Variants in ASH1L observed in about 807,000 individuals in gnomAD.
ASH1L encodes ASH1 like histone lysine methyltransferase, also known as histone-lysine N-methyltransferase ASH1L.
In ASH1L, 23 loss-of-function variants were observed where a neutral mutation model predicts 269.0. That is an observed-to-expected ratio of 0.09 (90% CI 0.06 to 0.12). The LOEUF is 0.12. Among genes scored for constraint, ASH1L ranks in the 10% least tolerant of loss-of-function variants. ASH1L has a pLI of 1.00. For synonymous variants in ASH1L, 1,187 were observed against 1,253.5 expected (o/e 0.95, Z 1.12); for missense variants, 2,912 against 3,567.8 (o/e 0.82, Z 4.68).
At chr1:155,389,593 A>C (rs139498400) in intron 7 of ASH1L, among the ~76,000 whole-genome samples, 13 of 152,136 alleles carry the variant, frequency 8.5e-5, no homozygotes, top group African/African-American at 3.1e-4. Context: ...GAATTGCTTG[A>C]ACCCAGGAGG....
In ASH1L at chr1:155,478,042, C is replaced by G; in HGVS notation, c.4828G>C (p.Ala1610Pro). Residue 1610 changes from alanine (A) to proline (P), a missense_variant, in exon 3 of 28, where the codon GCA becomes CCA. By Grantham distance (27) the Ala-to-Pro change is conservative. Coordinates refer to ENST00000392403, the MANE Select transcript of ASH1L (RefSeq NM_018489.3). This position sits in a 1 kb window ranked among gnomAD's most constrained non-coding sequence, Gnocchi z 4.6. ...SDEHTNLFTS[A>P]IGSCRVSNPN... ...TTTGAAACTCTGCAGCTGCCTATTG[C>G]ACTTGTGAAAAGGTTTGTATGTTCA... The G allele has an allele frequency of 6.2e-7, 1 of 1,614,172 alleles. No individual in the cohort carries two copies.
At chr1:155,413,806 T>C (rs761885774) in intron 6 of ASH1L, among the ~76,000 whole-genome samples, 6 of 152,070 alleles carry the variant, frequency 3.9e-5, no homozygotes, top group Non-Finnish European at 7.4e-5. Flanking sequence ...GAAGGTACCA[T>C]TATGAACTTT....
chr1:155,481,438 A>ATATGCTTTC lies in ASH1L; in HGVS notation c.1423_1431dup (p.Glu475_Ile477dup). ...TCTTTTCGTACTGAGAACTTTTCCA[A>ATATGCTTTC]TATGCTTTCTTTATTCTGCCGTACA... On this transcript the variant is annotated inframe_insertion, in exon 3 of 28. Coordinates refer to ENST00000392403, the MANE Select transcript of ASH1L (RefSeq NM_018489.3). The ATATGCTTTC allele has an allele frequency of 6.2e-7, 1 of 1,614,008 alleles. No individual in the cohort carries two copies. The highest frequency in any genetic ancestry group is 8.5e-7 in the Non-Finnish European group (1 of 1,179,962).
intron 1 of ASH1L, among the ~76,000 whole-genome samples, chr1:155,540,271 A>C (rs552464996): frequency 1.3e-5 from 2 of 152,296 alleles, no homozygotes; most frequent in East Asian, 3.9e-4. Context: ...TTTTGTGCAA[A>C]GTACTCACGG....
chr1:155,458,586 G>A (rs1448336662), intron 4 of ASH1L, among the ~76,000 whole-genome samples: 1 of 152,062 alleles, frequency 6.6e-6, no homozygotes, highest in Admixed American at 6.5e-5. Flanking sequence ...GTATCATGGT[G>A]GGCACCTGTA....
rs1294419836 is a variant in ASH1L at position 155,438,434 on chromosome 1, G to A, written c.5721C>T (p.Asn1907=). The change falls in exon 5 of 28, where the codon AAC becomes AAT. Residue 1907 remains asparagine (N), a synonymous_variant. Coordinates refer to ENST00000392403, the MANE Select transcript of ASH1L (RefSeq NM_018489.3). ...TCTTCAACCCCTTTTTATGTTCTGG[G>A]TTCAGATTTACACTCTGAACAACAG... ...IEAVVQSVNL[N]PEHKKGLKRK... 1 of 1,613,446 alleles carries A rather than the reference G, an allele frequency of 6.2e-7. No individual in the cohort carries two copies. The highest frequency in any genetic ancestry group is 1.6e-4 in the Middle Eastern group (1 of 6,062).
intron 5 of ASH1L, chr1:155,433,039 A>C (rs945437398): frequency 1.0e-6 from 1 of 992,390 alleles, no homozygotes; most frequent in African/African-American, 1.6e-5. Context: ...CAGTAAAGGC[A>C]GAAATCATCC....
At chr1:155,531,018 T>C (rs1015629347) in intron 1 of ASH1L, among the ~76,000 whole-genome samples, 2 of 151,872 alleles carry the variant, frequency 1.3e-5, no homozygotes, top group Non-Finnish European at 2.9e-5. Context: ...ATTAGCTGGG[T>C]GTGGTGGGAC....
At position 155,480,612 on chromosome 1, in the gene ASH1L, C is replaced by T. The variant is rs1162195478; in HGVS notation, c.2258G>A (p.Ser753Asn). ...KNVSCSSLSN[S>N]NSEPAKFMKN... ...CATAAACTTGGCTGGCTCAGAATTA[C>T]TATTTGATAGTGAGCTACATGAAAC... The change falls in exon 3 of 28, where the codon AGT becomes AAT. Residue 753 changes from serine to asparagine, a missense_variant. Physicochemically the swap from Ser to Asn is conservative, Grantham distance 46 (BLOSUM62 1). This residue lies in a region of ASH1L where 715 missense variants were observed against 721.0 expected (regional missense o/e 0.99). Coordinates refer to ENST00000392403, the MANE Select transcript of ASH1L (RefSeq NM_018489.3). 2 of 1,614,132 alleles carry T rather than the reference C, an allele frequency of 1.2e-6. No homozygotes were observed. Among genetic ancestry groups the T allele is most frequent in the South Asian group, 1.1e-5 (1 of 91,080 alleles).
chr1:155,528,522 G>A (rs1378040469), intron 1 of ASH1L, among the ~76,000 whole-genome samples: 1 of 151,918 alleles, frequency 6.6e-6, no homozygotes, highest in South Asian at 2.1e-4. Flanking sequence ...CTGCAGGGTG[G>A]GTCAGTGGCA....
At chr1:155,434,517 A>G (rs1649540335) in intron 5 of ASH1L, among the ~76,000 whole-genome samples, 1 of 151,900 alleles carries the variant, frequency 6.6e-6, no homozygotes, top group Admixed American at 6.6e-5. Flanking sequence ...AAAAAAAAAA[A>G]AAAAAAAAAA....
chr1:155,432,512 T>C (rs1661685813), intron 5 of ASH1L, among the ~76,000 whole-genome samples: 1 of 152,186 alleles, frequency 6.6e-6, no homozygotes, highest in Non-Finnish European at 1.5e-5. Flanking sequence ...ATATAACAAG[T>C]ACTAGTGTAA....
At chr1:155,483,262 G>A (rs1432926505) in intron 2 of ASH1L, among the ~76,000 whole-genome samples, 4 of 152,068 alleles carry the variant, frequency 2.6e-5, no homozygotes, top group Non-Finnish European at 4.4e-5. Flanking sequence ...ACATAAAGAC[G>A]ACAATTTTCC....
intron 7 of ASH1L, among the ~76,000 whole-genome samples, chr1:155,384,545 T>C (rs897254042): frequency 6.6e-6 from 1 of 151,980 alleles, no homozygotes; most frequent in African/African-American, 2.4e-5. Context: ...ATGACAAGCA[T>C]TTGCCAACCA....
intron 6 of ASH1L, among the ~76,000 whole-genome samples, chr1:155,399,115 A>G (rs750395584): frequency 6.6e-6 from 1 of 152,206 alleles, no homozygotes; most frequent in Non-Finnish European, 1.5e-5. Flanking sequence ...ATGAACCAAA[A>G]TAATTTCCTC....
chr1:155,539,073 A>G (rs1480378507), intron 1 of ASH1L, among the ~76,000 whole-genome samples: 1 of 152,068 alleles, frequency 6.6e-6, no homozygotes, highest in Non-Finnish European at 1.5e-5. Flanking sequence ...CCAGACTCCC[A>G]GATGTTGGAA....
At chr1:155,390,249 A>G (rs1200264202) in intron 7 of ASH1L, among the ~76,000 whole-genome samples, 1 of 152,224 alleles carries the variant, frequency 6.6e-6, no homozygotes, top group East Asian at 1.9e-4. Context: ...AATAATTTAG[A>G]TAAAATGGAC....
At chr1:155,488,638 C>T (rs1666509444) in intron 2 of ASH1L, among the ~76,000 whole-genome samples, 1 of 127,344 alleles carries the variant, frequency 7.9e-6, no homozygotes, top group South Asian at 2.5e-4. Flanking sequence ...CACTGTACTC[C>T]AGCCTGGGCA....
chr1:155,362,065 C>G (rs1289252920), intron 12 of ASH1L, among the ~76,000 whole-genome samples: 3 of 151,836 alleles, frequency 2.0e-5, no homozygotes, highest in African/African-American at 7.3e-5. Flanking sequence ...GAGACATAGT[C>G]TTGCTCTGTC....
Sources: allele counts gnomAD v4.1 joint callset (sites outside exome capture counted in the v4.1 genomes callset), GRCh38; gene constraint gnomAD v4.1.1; regional missense constraint gnomAD v4.1.1; non-coding constraint Gnocchi (gnomAD v3.1); transcripts MANE v1.5; gene names NCBI Gene and HGNC (gene_info 2026-07-23, HGNC 2026-07-21).